Variants in FAM117A observed in about 807,000 individuals in gnomAD.
FAM117A encodes the protein family with sequence similarity 117 member A, also known as protein FAM117A.
FAM117A carries 21 observed loss-of-function variants against 44.1 expected under a neutral mutation model. The observed-to-expected ratio is 0.48, with a 90% CI of 0.34 to 0.69. The LOEUF (loss-of-function observed/expected upper bound fraction) is 0.69. FAM117A is among the 30% of genes least tolerant of loss of function. FAM117A has a pLI of 0.01. For synonymous variants in FAM117A, 220 were observed against 238.3 expected (o/e 0.92, Z 0.71); for missense variants, 498 against 589.9 (o/e 0.84, Z 1.61).
intron 1 of FAM117A, among the ~76,000 whole-genome samples, chr17:49,747,938 C>T (rs1264537342): frequency 6.6e-6 from 1 of 152,142 alleles, no homozygotes; most frequent in African/African-American, 2.4e-5. Flanking sequence ...GTCTGAAAAG[C>T]AAGATTAGAT....
intron 2 of FAM117A, among the ~76,000 whole-genome samples, chr17:49,724,180 C>T (rs1198950489): frequency 6.6e-6 from 1 of 152,132 alleles, no homozygotes; most frequent in African/African-American, 2.4e-5. Flanking sequence ...CCATCTCTCC[C>T]AGCCACCTCG....
chr17:49,728,675 C>T (rs1442954784), intron 2 of FAM117A, among the ~76,000 whole-genome samples: 2 of 152,184 alleles, frequency 1.3e-5, no homozygotes, highest in Non-Finnish European at 2.9e-5. Context: ...AAGGTTTGCA[C>T]AGCAAGAAGG....
chr17:49,720,261 C>CT, intron 4 of FAM117A, 65 bp downstream of exon 4: 1 of 1,298,818 alleles, frequency 7.7e-7, no homozygotes, highest in South Asian at 1.2e-5. Context: ...CAGGAAACCT[C>CT]TGCCCATATA....
At chr17:49,741,298 G>C (rs1029253506) in intron 1 of FAM117A, among the ~76,000 whole-genome samples, 1 of 151,810 alleles carries the variant, frequency 6.6e-6, no homozygotes, top group African/African-American at 2.4e-5. Flanking sequence ...TTGATTTTTT[G>C]ATCTCACCTC....
chr17:49,756,933 A>AAG (rs1317720426), intron 1 of FAM117A, among the ~76,000 whole-genome samples: 3 of 151,170 alleles, frequency 2.0e-5, no homozygotes, highest in Non-Finnish European at 2.9e-5. Context: ...AAAAAAAAAA[A>AAG]AGAGAGAGAG....
At position 49,744,218 on chromosome 17, in the gene FAM117A, T is replaced by C. The variant is rs528886907; in HGVS notation, c.197-11498A>G. ...AAGCTATGGATGCTCAAGTCCCTCA[T>C]ATAAAATAGTGTAGTATTTTCATAT... is the stretch of plus-strand genomic sequence containing the variant. On this transcript the variant is annotated intron_variant, in intron 1 of 7. Transcript: ENST00000240364. Among the ~76,000 whole-genome samples the C allele has an allele frequency of 2.6e-5, 4 of 152,336 alleles. No homozygotes were observed. In the South Asian group the frequency reaches 8.3e-4, roughly 32 times the overall value.
chr17:49,745,024 A>G (rs928657624), intron 1 of FAM117A, among the ~76,000 whole-genome samples: 3 of 151,208 alleles, frequency 2.0e-5, no homozygotes, highest in Non-Finnish European at 4.4e-5. Flanking sequence ...AAAAAAAAAA[A>G]AAAAAAAAAC....
In FAM117A at chr17:49,711,436, A is replaced by G; in HGVS notation, c.1181T>C (p.Met394Thr). The G allele has an allele frequency of 1.2e-6, 2 of 1,613,956 alleles. No individual in the cohort carries two copies. Among genetic ancestry groups the G allele is most frequent in the Non-Finnish European group, 1.7e-6 (2 of 1,179,994 alleles). The change falls in exon 8 of 8, where the codon ATG becomes ACG. Residue 394 changes from methionine (M) to threonine (T), a missense_variant. Coordinates refer to ENST00000240364, the MANE Select transcript of FAM117A (RefSeq NM_030802.4). Reference sequence around the variant, plus strand: ...GGGGCAGTTACGGAAGATGAAGCCCATGCCGGGGAAGAGGGGCTTCATCAG... The same window carrying G: ...GGGGCAGTTACGGAAGATGAAGCCCGTGCCGGGGAAGAGGGGCTTCATCAG... ...VNLMKPLFPGMGFIFRNCPSN... is the reference protein window; with the variant it reads ...VNLMKPLFPGTGFIFRNCPSN...
chr17:49,755,501 A>G (rs1313683949), intron 1 of FAM117A, among the ~76,000 whole-genome samples: 1 of 152,168 alleles, frequency 6.6e-6, no homozygotes, highest in Non-Finnish European at 1.5e-5. Context: ...CTGGCTTTTT[A>G]ACAAAATCAT....
chr17:49,766,529 C>T (rs928408715), upstream of FAM117A, among the ~76,000 whole-genome samples: 6 of 152,200 alleles, frequency 3.9e-5, no homozygotes, highest in Admixed American at 2.0e-4. Context: ...CAATGCTTTC[C>T]CAACCAACAC....
intron 1 of FAM117A, among the ~76,000 whole-genome samples, chr17:49,744,348 T>A (rs531471995): frequency 6.6e-6 from 1 of 152,286 alleles, no homozygotes; most frequent in Admixed American, 6.5e-5. Flanking sequence ...GGCATGATCA[T>A]AGTTCATTGC....
At chr17:49,758,490 G>A (rs953417817) in intron 1 of FAM117A, among the ~76,000 whole-genome samples, 1 of 151,644 alleles carries the variant, frequency 6.6e-6, no homozygotes, top group Non-Finnish European at 1.5e-5. Context: ...CGGGTATGGT[G>A]GTGGGCACCT....
At position 49,716,232 on chromosome 17, in the gene FAM117A, G is replaced by T. The variant is rs773819517; in HGVS notation, c.994C>A (p.His332Asn). The T allele has an allele frequency of 6.2e-7, 1 of 1,612,128 alleles. No homozygotes were observed. Among genetic ancestry groups the T allele is most frequent in the Non-Finnish European group, 8.5e-7 (1 of 1,178,832 alleles). Residue 332 changes from histidine (H) to asparagine (N), a missense_variant, in exon 7 of 8, where the codon CAT becomes AAT. Physicochemically the swap from His to Asn is moderately conservative, Grantham distance 68. This residue lies in a region of FAM117A where 224 missense variants were observed against 296.5 expected (regional missense o/e 0.76). Coordinates refer to ENST00000240364, the MANE Select transcript of FAM117A (RefSeq NM_030802.4). ...LAFAASPRPN[H>N]SYIFKREPPE... ...GGCTCCCGTTTGAAGATGTAGCTAT[G>T]ATTAGGTCGAGGGGAGGCAGCAAAG... is the stretch of plus-strand genomic sequence containing the variant.
intron 1 of FAM117A, among the ~76,000 whole-genome samples, chr17:49,774,034 G>A (rs905546296): frequency 2.0e-5 from 3 of 152,196 alleles, no homozygotes; most frequent in Non-Finnish European, 2.9e-5. Flanking sequence ...GATTACAGGC[G>A]TGAGCCACTG....
intron 2 of FAM117A, among the ~76,000 whole-genome samples, chr17:49,731,868 C>A (rs906764156): frequency 6.6e-5 from 10 of 152,128 alleles, no homozygotes; most frequent in Non-Finnish European, 2.9e-5. Flanking sequence ...TCACTGCAAC[C>A]TCTCCCTCCA....
chr17:49,736,549 G>T (rs1348694474), intron 1 of FAM117A, among the ~76,000 whole-genome samples: 1 of 152,184 alleles, frequency 6.6e-6, no homozygotes, highest in Non-Finnish European at 1.5e-5. Context: ...CCGGCCCAAA[G>T]GCCCTCTTTC....
chr17:49,763,667 C>G (rs1183872204), intron 1 of FAM117A, among the ~76,000 whole-genome samples: 1 of 152,016 alleles, frequency 6.6e-6, no homozygotes, highest in African/African-American at 2.4e-5. Context: ...CCTCCCCTCA[C>G]CTCCGGGACC....
chr17:49,764,089 G>GCT lies in FAM117A; in HGVS notation c.-4_-3dup. 1 of 1,265,304 alleles carries GCT rather than the reference G, an allele frequency of 7.9e-7. No homozygotes were observed. The highest frequency in any genetic ancestry group is 1.5e-5 in the African/African-American group (1 of 65,096). The allele number at this position is 1,265,304 out of a possible 1,614,324, so 78.4% of individuals were successfully genotyped here. ...GCCGCCCGCTGCGGCCCCCGCCATG[G>GCT]CTCTCCCGGCTGCCTGCCTCAGCCC... On this transcript the variant is annotated 5_prime_UTR_variant, in exon 1 of 8. Transcript: ENST00000240364.
intron 2 of FAM117A, among the ~76,000 whole-genome samples, chr17:49,729,503 CTTTTTTTTTT>C (rs3034927): frequency 1.1e-5 from 1 of 92,222 alleles, no homozygotes; most frequent in Non-Finnish European, 2.2e-5. Flanking sequence ...TGGCATCAGT[CTTTTTTTTTT>C]TTTTTTTTTT....
Sources: allele counts gnomAD v4.1 joint callset (sites outside exome capture counted in the v4.1 genomes callset), GRCh38; gene constraint gnomAD v4.1.1; regional missense constraint gnomAD v4.1.1; transcripts MANE v1.5; gene names NCBI Gene and HGNC (gene_info 2026-07-23, HGNC 2026-07-21).